The following PROS1 variants were observed in gnomAD, a reference collection of about 807,000 sequenced individuals.
PROS1 encodes vitamin K-dependent protein S.
PROS1 carries 29 observed loss-of-function variants against 75.9 expected under a neutral mutation model. That is an observed-to-expected ratio of 0.38 (90% CI 0.28 to 0.52). The LOEUF (loss-of-function observed/expected upper bound fraction) is 0.52. PROS1 is among the 20% of genes least tolerant of loss of function. PROS1 has a pLI of 0.83. For synonymous variants in PROS1, 245 were observed against 280.6 expected (o/e 0.87, Z 1.27); for missense variants, 680 against 810.3 (o/e 0.84, Z 1.95).
chr3:93,894,568 G>A (rs2107152404), intron 9 of PROS1, among the ~76,000 whole-genome samples: 1 of 152,198 alleles, frequency 6.6e-6, no homozygotes, highest in Non-Finnish European at 1.5e-5. Flanking sequence ...TAGTTTCAAA[G>A]GGTCATGTTC....
intron 7 of PROS1, among the ~76,000 whole-genome samples, chr3:93,899,726 G>A (rs1461609024): frequency 6.6e-6 from 1 of 152,076 alleles, no homozygotes; most frequent in African/African-American, 2.4e-5. Context: ...ATTGATTTAG[G>A]CAACTTCATA....
chr3:93,956,433 G>A (rs1368106851), intron 1 of PROS1, among the ~76,000 whole-genome samples: 1 of 151,886 alleles, frequency 6.6e-6, no homozygotes, highest in Non-Finnish European at 1.5e-5. Flanking sequence ...GGAGGCTGAG[G>A]CTGCAGTAAG....
At position 93,873,997 on chromosome 3, in the gene PROS1, GA is replaced by G. The variant is rs1166753444; in HGVS notation, c.*247del. The G allele has an allele frequency of 5.9e-5, 24 of 407,200 alleles. No homozygotes were observed. Among genetic ancestry groups the G allele is most frequent in the East Asian group, 9.8e-5 (2 of 20,350 alleles). The allele number at this position is 407,200 out of a possible 1,614,324, so 25.2% of individuals were successfully genotyped here. A position where few individuals can be genotyped will look rare whatever the true frequency, so the allele number is the denominator to read the frequency against. ...CAAAAATTGAAACTGTCATTTGTAGGAAAAAAATTCAAATTTAAAATTGTTA... is the reference window on the plus strand; with the variant it reads ...CAAAAATTGAAACTGTCATTTGTAGGAAAAAATTCAAATTTAAAATTGTTA... On this transcript the variant is annotated 3_prime_UTR_variant, in exon 15 of 15. Coordinates refer to ENST00000394236, the MANE Select transcript of PROS1 (RefSeq NM_000313.4).
intron 12 of PROS1, among the ~76,000 whole-genome samples, chr3:93,880,627 C>T (rs1461823191): frequency 2.0e-5 from 3 of 152,066 alleles, no homozygotes; most frequent in Non-Finnish European, 4.4e-5. Flanking sequence ...ATGTGTAATG[C>T]TCAAATCAGG....
At chr3:93,940,659 C>T (rs762805243) in intron 1 of PROS1, among the ~76,000 whole-genome samples, 1 of 151,968 alleles carries the variant, frequency 6.6e-6, no homozygotes, top group Non-Finnish European at 1.5e-5. Flanking sequence ...CCTCTCATAT[C>T]CCCCTACTTC....
intron 1 of PROS1, among the ~76,000 whole-genome samples, chr3:93,936,570 G>A (rs1468363689): frequency 6.6e-6 from 1 of 152,110 alleles, no homozygotes; most frequent in Non-Finnish European, 1.5e-5. Context: ...AGTAGCCAGC[G>A]AGAAGGCAGC....
At position 93,884,835 on chromosome 3, in the gene PROS1, C is replaced by T; in HGVS notation, c.1385G>A (p.Gly462Glu). 6.2e-7 allele frequency: 1 copy of T among 1,613,494 alleles called. No homozygotes were observed. The highest frequency in any genetic ancestry group is 8.5e-7 in the Non-Finnish European group (1 of 1,179,696). Residue 462 changes from glycine to glutamate, a missense_variant, in exon 12 of 15, where the codon GGA (glycine) becomes GAA (glutamate). Transcript: ENST00000394236. ...SWNLMKQGAS[G>E]IKEIIQEKQN... ...TTTTTCTTGAATAATTTCCTTTATT[C>T]CAGAAGCTCCTTGCTTCATCAAATT...
At position 93,874,199 on chromosome 3, in the gene PROS1, A is replaced by C. The variant is rs539591634; in HGVS notation, c.*46T>G. 1 of 1,602,378 alleles carries C rather than the reference A, an allele frequency of 6.2e-7. No homozygotes were observed. Among genetic ancestry groups the C allele is most frequent in the African/African-American group, 1.3e-5 (1 of 74,692 alleles). On this transcript the variant is annotated 3_prime_UTR_variant, in exon 15 of 15. Transcript: ENST00000394236. ...CTTCAGCTGTTATTGAAACATAAGT[A>C]TAATTACACACAAGGAAAAGGTATT...
intron 9 of PROS1, among the ~76,000 whole-genome samples, chr3:93,895,938 T>C (rs1172729502): frequency 2.0e-5 from 3 of 152,114 alleles, no homozygotes; most frequent in Non-Finnish European, 4.4e-5. Context: ...CACTCCAGCC[T>C]GGGGAACAAA....
chr3:93,935,813 A>C (rs934026191), intron 1 of PROS1, among the ~76,000 whole-genome samples: 4 of 152,102 alleles, frequency 2.6e-5, no homozygotes, highest in African/African-American at 9.7e-5. Context: ...GCTTTAAGAC[A>C]CAGTCTAAAT....
chr3:93,902,611 G>C (rs1257697507), intron 6 of PROS1, among the ~76,000 whole-genome samples: 1 of 151,976 alleles, frequency 6.6e-6, no homozygotes, highest in Non-Finnish European at 1.5e-5. Flanking sequence ...AAATTGGACA[G>C]GCGTGGTGGC....
chr3:93,900,314 A>G (rs1424821769), intron 7 of PROS1, among the ~76,000 whole-genome samples: 1 of 152,228 alleles, frequency 6.6e-6, no homozygotes, highest in Non-Finnish European at 1.5e-5. Context: ...ATCATGAGAT[A>G]ATAGAACTGT....
chr3:93,910,765 A>G (rs1341517008), intron 3 of PROS1, 60 bp from the exon 4 acceptor site: 3 of 1,397,854 alleles, frequency 2.1e-6, no homozygotes, highest in African/African-American at 1.4e-5. Flanking sequence ...ATCTGAATTC[A>G]TGGTAGGAAC....
chr3:93,891,094 C>T (rs541108070), intron 10 of PROS1, among the ~76,000 whole-genome samples: 45 of 151,592 alleles, frequency 3.0e-4, no homozygotes, highest in Non-Finnish European at 5.7e-4. Context: ...AGCAAGACTC[C>T]GTCTCAAAAT....
At chr3:93,936,792 G>C (rs1263722775) in intron 1 of PROS1, among the ~76,000 whole-genome samples, 1 of 152,192 alleles carries the variant, frequency 6.6e-6, no homozygotes, top group Non-Finnish European at 1.5e-5. Flanking sequence ...CATACAAAGT[G>C]ATGCTTATGG....
Position 93,884,842 on chromosome 3 carries a change from C to T in PROS1, c.1378G>A (p.Ala460Thr), listed in dbSNP as rs1333084021. The T allele has an allele frequency of 6.2e-7, 1 of 1,613,230 alleles. No individual in the cohort carries two copies. Among genetic ancestry groups the T allele is most frequent in the Admixed American group, 1.7e-5 (1 of 59,924 alleles). The change falls in exon 12 of 15, where the codon GCT becomes ACT. Residue 460 changes from alanine (A) to threonine (T), a missense_variant. Transcript: ENST00000394236. ...TGAATAATTTCCTTTATTCCAGAAGCTCCTTGCTTCATCAAATTCCAGCTT... is the reference window on the plus strand; with the variant it reads ...TGAATAATTTCCTTTATTCCAGAAGTTCCTTGCTTCATCAAATTCCAGCTT... Reference protein sequence around the residue: ...IRSWNLMKQGASGIKEIIQEK... With the variant: ...IRSWNLMKQGTSGIKEIIQEK...
chr3:93,900,776 A>G, intron 7 of PROS1, 28 bp downstream of exon 7: 7 of 1,611,812 alleles, frequency 4.3e-6, no homozygotes, highest in East Asian at 4.5e-5. Flanking sequence ...CCTCTCCACC[A>G]TCAGTAATGA....
rs994148002 is a variant in PROS1 at position 93,879,390 on chromosome 3, T to C, written c.1493-76A>G. On this transcript the variant is annotated intron_variant, in intron 12 of 14. Transcript: ENST00000394236. ...TCAGAAGGAATTATTATTAACACAGTCCAGGTAATATTCAAAACTATCTTG... is the reference window on the plus strand; with the variant it reads ...TCAGAAGGAATTATTATTAACACAGCCCAGGTAATATTCAAAACTATCTTG... The C allele has an allele frequency of 8.6e-6, 13 of 1,504,834 alleles. No homozygotes were observed. In the African/African-American group the frequency reaches 9.7e-5, roughly 11 times the overall value. The allele number at this position is 1,504,834 out of a possible 1,614,324, so 93.2% of individuals were successfully genotyped here.
At position 93,927,235 on chromosome 3, in the gene PROS1, T is replaced by G; in HGVS notation, c.234+15A>C. The stretch of plus-strand genomic sequence containing the variant: ...GTCTAGATGTGTGAACTTGATAGTT[T>G]CCATAAATGCTTACCGTTTCCGGGT... On this transcript the variant is annotated intron_variant, in intron 2 of 14. Coordinates refer to ENST00000394236, the MANE Select transcript of PROS1 (RefSeq NM_000313.4). The G allele has an allele frequency of 4.3e-6, 7 of 1,612,186 alleles. No individual in the cohort carries two copies. The highest frequency in any genetic ancestry group is 4.2e-6 in the Non-Finnish European group (5 of 1,179,978).
Sources: gnomAD v4.1 joint callset for allele counts (sites outside exome capture counted in the v4.1 genomes callset) on GRCh38, gnomAD v4.1.1 for gene constraint, MANE v1.5 for transcripts, NCBI Gene and HGNC (gene_info 2026-07-23, HGNC 2026-07-21) for gene names.